Variants in VIRMA observed in about 807,000 individuals in gnomAD.
VIRMA encodes the protein protein virilizer homolog.
In VIRMA, 65 loss-of-function variants were observed where a neutral mutation model predicts 182.4. The observed-to-expected ratio is 0.36, with a 90% CI of 0.29 to 0.44. The LOEUF is 0.44. Among genes scored for constraint, VIRMA ranks in the 20% least tolerant of loss-of-function variants. The pLI is 1.00. For synonymous variants in VIRMA, 709 were observed against 743.1 expected (o/e 0.95, Z 0.75); for missense variants, 1,752 against 2,158.1 (o/e 0.81, Z 3.73).
At chr8:94,500,843 T>C (rs568147340) in intron 16 of VIRMA, among the ~76,000 whole-genome samples, 15 of 152,172 alleles carry the variant, frequency 9.9e-5, no homozygotes, top group Middle Eastern at 3.4e-3. Flanking sequence ...ACAACCCAGA[T>C]TGCTAGAAAA....
intron 16 of VIRMA, among the ~76,000 whole-genome samples, chr8:94,500,095 A>G (rs2130277431): frequency 6.7e-6 from 1 of 149,162 alleles, no homozygotes; most frequent in Middle Eastern, 3.5e-3. Context: ...AAAACTTGCC[A>G]GTTCCCTATT....
chr8:94,537,769 CA>C (rs1003539370), intron 3 of VIRMA, among the ~76,000 whole-genome samples: 82 of 151,752 alleles, frequency 5.4e-4, no homozygotes, highest in African/African-American at 2.0e-3. Flanking sequence ...GACATCACAA[CA>C]ACAGGTTTAA....
At chr8:94,533,257 G>C (rs556471490) in intron 5 of VIRMA, among the ~76,000 whole-genome samples, 3 of 150,992 alleles carry the variant, frequency 2.0e-5, no homozygotes, top group African/African-American at 7.3e-5. Flanking sequence ...TATAAGAAAA[G>C]TACAGTGTAT....
chr8:94,495,626 CT>C (rs1349497785), intron 19 of VIRMA, 104 bp downstream of exon 19: 2 of 743,940 alleles, frequency 2.7e-6, no homozygotes, highest in South Asian at 4.3e-5. Flanking sequence ...GCCTAGAATT[CT>C]TACTATCTGG....
chr8:94,505,695 G>A (rs1229169455), intron 16 of VIRMA, among the ~76,000 whole-genome samples: 1 of 151,774 alleles, frequency 6.6e-6, no homozygotes, highest in Non-Finnish European at 1.5e-5. Context: ...TGTTGCCCAG[G>A]CTAAACTTGA....
intron 4 of VIRMA, among the ~76,000 whole-genome samples, chr8:94,535,543 G>A (rs1815312975): frequency 6.6e-6 from 1 of 152,168 alleles, no homozygotes; most frequent in African/African-American, 2.4e-5. Context: ...TCAGCACTTT[G>A]GAAGGCTAAG....
At chr8:94,507,786 C>T (rs1308983931) in intron 15 of VIRMA, among the ~76,000 whole-genome samples, 1 of 151,144 alleles carries the variant, frequency 6.6e-6, no homozygotes, top group Non-Finnish European at 1.5e-5. Context: ...AAAAAGCCCC[C>T]TGCAATTTAA....
intron 2 of VIRMA, among the ~76,000 whole-genome samples, chr8:94,539,032 G>A (rs1356681922): frequency 2.0e-5 from 3 of 151,654 alleles, no homozygotes; most frequent in African/African-American, 7.3e-5. Context: ...CTCCCAAGTA[G>A]CTGGGACTAC....
At chr8:94,488,912 A>G in intron 23 of VIRMA, 52 bp from the exon 24 acceptor site, 1 of 1,578,216 alleles carries the variant, frequency 6.3e-7, no homozygotes, top group Non-Finnish European at 8.7e-7. Flanking sequence ...CTTTTCCAAG[A>G]TTATAAATAC....
chr8:94,547,084 GTGC>G, intron 1 of VIRMA: 1 of 449,604 alleles, frequency 2.2e-6, no homozygotes, highest in South Asian at 1.6e-5. Context: ...TCTCCTCCTA[GTGC>G]CTAAAGTCCT....
chr8:94,501,250 C>T (rs1229603647), intron 16 of VIRMA, among the ~76,000 whole-genome samples: 1 of 93,152 alleles, frequency 1.1e-5, no homozygotes, highest in Non-Finnish European at 2.0e-5. Context: ...TGCGAGATTC[C>T]ATCTCAAAAA....
intron 2 of VIRMA, among the ~76,000 whole-genome samples, chr8:94,539,315 T>G (rs2130379712): frequency 6.6e-6 from 1 of 152,330 alleles, no homozygotes; most frequent in South Asian, 2.1e-4. Context: ...CCCTAAGTTG[T>G]GACTTAAAGC....
chr8:94,504,492 C>T (rs1252396141), intron 16 of VIRMA, among the ~76,000 whole-genome samples: 1 of 152,092 alleles, frequency 6.6e-6, no homozygotes, highest in Non-Finnish European at 1.5e-5. Context: ...CCTGGTGAGC[C>T]TTACAGATCA....
At chr8:94,519,621 G>A in intron 8 of VIRMA, 145 bp from the exon 9 acceptor site, 3 of 777,112 alleles carry the variant, frequency 3.9e-6, no homozygotes, top group Non-Finnish European at 5.7e-6. Context: ...AACATAATGT[G>A]AGTGGCAAGT....
Position 94,511,593 on chromosome 8 carries a change from C to A in VIRMA, c.2982G>T (p.Gly994=). 6.2e-7 allele frequency: 1 copy of A among 1,614,120 alleles called. No homozygotes were observed. Among genetic ancestry groups the A allele is most frequent in the African/African-American group, 1.3e-5 (1 of 75,044 alleles). Residue 994 remains glycine, a synonymous_variant, in exon 13 of 24, where the codon GGG becomes GGT. Transcript: ENST00000297591. ...TAGTAGTAACTCTGTGAAGGGTAGT[C>A]CCCATGTTGACATGGAGCCTCCAAG... ...TQPWRLHVNM[G]TTLHRVTTIS... is the part of the protein sequence containing the mutation.
intron 2 of VIRMA, among the ~76,000 whole-genome samples, chr8:94,540,461 C>CTTTTTTTTTTTTTT (rs963429701): frequency 1.6e-4 from 21 of 128,622 alleles, no homozygotes; most frequent in Non-Finnish European, 2.5e-4. Context: ...TTCTTCTTTT[C>CTTTTTTTTTTTTTT]TTTTTTTTTT....
chr8:94,519,530 A>G, intron 8 of VIRMA, 54 bp from the exon 9 acceptor site: 2 of 1,497,522 alleles, frequency 1.3e-6, no homozygotes, highest in East Asian at 2.3e-5. Flanking sequence ...TTCTTCATTT[A>G]CTCAATATTC....
chr8:94,496,956 T>C (rs1209399884), intron 17 of VIRMA: 1 of 152,458 alleles, frequency 6.6e-6, no homozygotes, highest in Non-Finnish European at 1.5e-5. Flanking sequence ...TAAAGTGAAT[T>C]CTGGAGTGAT....
At chr8:94,536,692 A>T (rs1486582932) in intron 4 of VIRMA, among the ~76,000 whole-genome samples, 1 of 152,086 alleles carries the variant, frequency 6.6e-6, no homozygotes, top group Non-Finnish European at 1.5e-5. Flanking sequence ...AAGATATGAC[A>T]CTCTGAGCTG....
Sources: allele counts gnomAD v4.1 joint callset (sites outside exome capture counted in the v4.1 genomes callset), GRCh38; gene constraint gnomAD v4.1.1; transcripts MANE v1.5; gene names NCBI Gene and HGNC (gene_info 2026-07-23, HGNC 2026-07-21).